The following STXBP5L variants were observed in gnomAD, a reference collection of about 807,000 sequenced individuals.
STXBP5L encodes the protein syntaxin-binding protein 5-like.
A neutral mutation model predicts 144.5 loss-of-function variants in STXBP5L; 65 were observed. The ratio of observed to expected loss-of-function variants is 0.45; its 90% CI spans 0.37 to 0.55. The LOEUF (loss-of-function observed/expected upper bound fraction) is 0.55. STXBP5L is among the 20% of genes least tolerant of loss of function. The probability of loss-of-function intolerance (pLI) is 0.00; values close to 1 mark genes in which losing one functional copy is unlikely to be tolerated. For synonymous variants in STXBP5L, 505 were observed against 469.6 expected (o/e 1.08, Z -0.97); for missense variants, 1,298 against 1,405.5 (o/e 0.92, Z 1.22).
intron 2 of STXBP5L, among the ~76,000 whole-genome samples, chr3:120,926,201 T>A (rs182615339): frequency 0.016 from 2,368 of 152,228 alleles, 33 homozygotes; most frequent in Middle Eastern, 0.024. Context: ...AATTTTTTTT[T>A]AAATTTTAGA....
intron 10 of STXBP5L, among the ~76,000 whole-genome samples, chr3:121,217,300 G>T (rs1049370196): frequency 3.3e-5 from 5 of 152,150 alleles, no homozygotes; most frequent in Admixed American, 6.5e-5. Flanking sequence ...TAAACCCAGG[G>T]CCCTGATGAC....
chr3:120,925,593 A>G (rs1242687211), intron 2 of STXBP5L, among the ~76,000 whole-genome samples: 1 of 152,142 alleles, frequency 6.6e-6, no homozygotes, highest in Non-Finnish European at 1.5e-5. Flanking sequence ...TTATCCATTC[A>G]GCCACCCTAT....
intron 20 of STXBP5L, among the ~76,000 whole-genome samples, chr3:121,368,608 T>A (rs2045935136): frequency 6.6e-6 from 1 of 152,142 alleles, no homozygotes; most frequent in South Asian, 2.1e-4. Flanking sequence ...GGAAATCATA[T>A]TTGCTCCATT....
At chr3:121,177,827 A>T (rs1371528522) in intron 9 of STXBP5L, among the ~76,000 whole-genome samples, 1 of 152,224 alleles carries the variant, frequency 6.6e-6, no homozygotes, top group Non-Finnish European at 1.5e-5. Context: ...GTGTATACTC[A>T]TATTCATTGA....
chr3:121,280,258 T>C (rs182295776), intron 19 of STXBP5L, among the ~76,000 whole-genome samples: 12 of 151,998 alleles, frequency 7.9e-5, no homozygotes, highest in Admixed American at 7.9e-4. Flanking sequence ...AAAAATGCTA[T>C]GAAAATTAGG....
intron 22 of STXBP5L, among the ~76,000 whole-genome samples, chr3:121,394,480 T>C (rs927979147): frequency 1.3e-5 from 2 of 152,134 alleles, no homozygotes; most frequent in Admixed American, 6.6e-5. Context: ...CCTTATCTTG[T>C]TCCAGTTTTT....
At chr3:120,997,421 A>G (rs1334462321) in intron 3 of STXBP5L, among the ~76,000 whole-genome samples, 1 of 152,180 alleles carries the variant, frequency 6.6e-6, no homozygotes, top group African/African-American at 2.4e-5. Flanking sequence ...GTGAATAAGC[A>G]TTCCCTTTTC....
chr3:121,182,474 G>A (rs987931922), intron 9 of STXBP5L, among the ~76,000 whole-genome samples: 3 of 152,058 alleles, frequency 2.0e-5, no homozygotes, highest in African/African-American at 7.2e-5. Context: ...TAAACTAAAT[G>A]ATAATCATTA....
chr3:121,102,323 T>C (rs1435858160), intron 5 of STXBP5L, among the ~76,000 whole-genome samples: 2 of 151,784 alleles, frequency 1.3e-5, no homozygotes, highest in Admixed American at 1.3e-4. Context: ...CTACTGTAAG[T>C]GTACAGTAAC....
intron 3 of STXBP5L, among the ~76,000 whole-genome samples, chr3:121,001,198 G>A (rs536177247): frequency 9.2e-5 from 14 of 152,346 alleles, no homozygotes; most frequent in African/African-American, 3.4e-4. Context: ...GCTGCAGGTG[G>A]ATGCATGCTG....
chr3:121,184,270 G>C (rs1041296309), intron 9 of STXBP5L, among the ~76,000 whole-genome samples: 2 of 151,196 alleles, frequency 1.3e-5, no homozygotes, highest in African/African-American at 4.9e-5. Flanking sequence ...ACTCCTCCAA[G>C]CTAAAGGAGC....
intron 19 of STXBP5L, among the ~76,000 whole-genome samples, chr3:121,303,441 T>A (rs2052011732): frequency 6.6e-6 from 1 of 152,182 alleles, no homozygotes; most frequent in Non-Finnish European, 1.5e-5. Context: ...GACTGTAAAC[T>A]AGTTCAACCA....
At chr3:121,063,702 A>G (rs1166265686) in intron 5 of STXBP5L, among the ~76,000 whole-genome samples, 2 of 152,104 alleles carry the variant, frequency 1.3e-5, no homozygotes, top group Non-Finnish European at 1.5e-5. Flanking sequence ...GCAAGGAGGA[A>G]TTTAGAGAGG....
chr3:121,353,608 T>C (rs2045388745), intron 20 of STXBP5L, among the ~76,000 whole-genome samples: 1 of 152,204 alleles, frequency 6.6e-6, no homozygotes, highest in Admixed American at 6.5e-5. Context: ...GGTCTATCAA[T>C]TTTGTTGATC....
At chr3:121,116,798 A>G (rs371716454) in intron 6 of STXBP5L, among the ~76,000 whole-genome samples, 37 of 152,010 alleles carry the variant, frequency 2.4e-4, no homozygotes, top group African/African-American at 8.9e-4. Context: ...AAAGCAATAA[A>G]AGGGCTGAAT....
chr3:121,039,186 T>C (rs952761331), intron 3 of STXBP5L, among the ~76,000 whole-genome samples: 1 of 151,930 alleles, frequency 6.6e-6, no homozygotes, highest in South Asian at 2.1e-4. Flanking sequence ...CCCCCAACAA[T>C]ATTCTGCGTT....
intron 20 of STXBP5L, among the ~76,000 whole-genome samples, chr3:121,371,687 G>A (rs1332691280): frequency 6.6e-6 from 1 of 152,234 alleles, no homozygotes; most frequent in African/African-American, 2.4e-5. Flanking sequence ...GCTAGTGGTG[G>A]TGTTATCATG....
rs1451898721 is a variant in STXBP5L, at chr3:121,418,382, A to G, written c.3272A>G (p.His1091Arg). The change falls in exon 26 of 27, where the codon CAC (histidine) becomes CGC (arginine). Residue 1091 changes from histidine to arginine, a missense_variant. Coordinates refer to ENST00000471454, the MANE Select transcript of STXBP5L (RefSeq NM_001308330.2). ...AAAGCATCCCGCAGCCTTGCGCAAC[A>G]CATTCCTGGACCAGGTAGTATAGAA... is the stretch of plus-strand genomic sequence containing the variant. ...AGKASRSLAQHIPGPGSIEGM... is the reference protein window; with the variant it reads ...AGKASRSLAQRIPGPGSIEGM... 2 of 1,613,908 alleles carry G rather than the reference A, an allele frequency of 1.2e-6. No homozygotes were observed. The highest frequency in any genetic ancestry group is 8.5e-7 in the Non-Finnish European group (1 of 1,179,938).
chr3:121,243,930 A>G (rs898925915), intron 14 of STXBP5L, among the ~76,000 whole-genome samples: 42 of 152,166 alleles, frequency 2.8e-4, no homozygotes, highest in African/African-American at 9.7e-4. Flanking sequence ...CTGTTCAGAA[A>G]TAACTCCAGG....
Sources: gnomAD v4.1 joint callset for allele counts (sites outside exome capture counted in the v4.1 genomes callset) on GRCh38, gnomAD v4.1.1 for gene constraint, MANE v1.5 for transcripts, NCBI Gene and HGNC (gene_info 2026-07-23, HGNC 2026-07-21) for gene names.